SLC25A48: variants seen among roughly 807,000 people sequenced by gnomAD.
SLC25A48 encodes CTC-321K16.1.
In SLC25A48, 29 loss-of-function variants were observed where a neutral mutation model predicts 32.2. That is an observed-to-expected ratio of 0.90 (90% CI 0.67 to 1.23). The LOEUF is 1.23. Among genes scored for constraint, SLC25A48 ranks in the 50% most tolerant of loss-of-function variants. The pLI is 0.00. For missense variants in SLC25A48, 399 were observed against 422.7 expected, an observed-to-expected ratio of 0.94 and a Z score of 0.49; for synonymous variants, 164 against 172.3, an observed-to-expected ratio of 0.95 and a Z score of 0.38.
intron 3 of SLC25A48, among the ~76,000 whole-genome samples, chr5:135,711,302 TAGTC>T (rs1215292255): frequency 2.0e-5 from 3 of 152,190 alleles, no homozygotes; most frequent in Non-Finnish European, 2.9e-5. Flanking sequence ...GTCAAAGAGA[TAGTC>T]AGTCATATTC....
intron 3 of SLC25A48, among the ~76,000 whole-genome samples, chr5:135,712,896 A>G (rs996538597): frequency 6.6e-6 from 1 of 152,172 alleles, no homozygotes; most frequent in Non-Finnish European, 1.5e-5. Flanking sequence ...GCATGCATAG[A>G]CCATCCTCCA....
chr5:135,767,249 A>G (rs895809015), intron 3 of SLC25A48, among the ~76,000 whole-genome samples: 1 of 150,102 alleles, frequency 6.7e-6, no homozygotes, highest in African/African-American at 2.4e-5. Flanking sequence ...TACTATCTAT[A>G]TTGGGGTGGT....
At chr5:135,851,823 A>G (rs1282739150) in intron 3 of SLC25A48, among the ~76,000 whole-genome samples, 1 of 152,094 alleles carries the variant, frequency 6.6e-6, no homozygotes, top group Non-Finnish European at 1.5e-5. Flanking sequence ...GTGTTCATCA[A>G]GAATGCCGTG....
intron 3 of SLC25A48, among the ~76,000 whole-genome samples, chr5:135,788,243 T>G (rs72667123): frequency 0.3 from 45,518 of 149,702 alleles, 6,852 homozygotes; most frequent in East Asian, 0.43. Flanking sequence ...ATATCCAGAA[T>G]GGGGAGAGGG....
At chr5:135,781,121 C>T (rs1490683951) in intron 3 of SLC25A48, among the ~76,000 whole-genome samples, 1 of 115,792 alleles carries the variant, frequency 8.6e-6, no homozygotes, top group Non-Finnish European at 2.1e-5. Context: ...TGCAACATTG[C>T]AGGGGGTGTA....
intron 5 of SLC25A48, among the ~76,000 whole-genome samples, chr5:135,873,051 C>T (rs1761784103): frequency 6.6e-6 from 1 of 152,140 alleles, no homozygotes; most frequent in Non-Finnish European, 1.5e-5. Flanking sequence ...GATGCCCTCA[C>T]CCATGGGCTG....
At position 135,784,775 on chromosome 5, in the gene SLC25A48, G is replaced by C. The variant is rs1165521733; in HGVS notation, c.-520-27748G>C. 3.4e-5 allele frequency among the ~76,000 whole-genome samples: 4 copies of C among 117,774 alleles called. 1 individual carries two copies. Among genetic ancestry groups the C allele is most frequent in the Non-Finnish European group, 8.4e-5 (4 of 47,830 alleles). The allele number at this position is 117,774 out of a possible 152,430, so 77.3% of individuals were successfully genotyped here. ...GGAAGACCCAGTGTACACCCCCTCT[G>C]TGATATTGTTATTAACATCATAAAA... On this transcript the variant is annotated intron_variant, in intron 3 of 10. Transcript: ENST00000646290.
chr5:135,652,880 T>C (rs1212462561), intron 3 of SLC25A48, among the ~76,000 whole-genome samples: 1 of 152,158 alleles, frequency 6.6e-6, no homozygotes, highest in Admixed American at 6.5e-5. Context: ...GTCTTCAAAA[T>C]TCATGTATCA....
intron 7 of SLC25A48, 35 bp from the exon 8 acceptor site, chr5:135,887,997 T>G: frequency 1.3e-6 from 2 of 1,547,988 alleles, no homozygotes; most frequent in East Asian, 2.4e-5. Flanking sequence ...TTTGCCTGCC[T>G]TCTTCTCTGA....
At chr5:135,842,001 C>G (rs1188596416) in intron 1 of SLC25A48, among the ~76,000 whole-genome samples, 1 of 152,152 alleles carries the variant, frequency 6.6e-6, no homozygotes, top group Non-Finnish European at 1.5e-5. Context: ...TGGTTGTACA[C>G]TTGGTATCAT....
At chr5:135,753,487 G>A (rs1755819699) in intron 3 of SLC25A48, among the ~76,000 whole-genome samples, 1 of 151,972 alleles carries the variant, frequency 6.6e-6, no homozygotes, top group Admixed American at 6.6e-5. Flanking sequence ...TGCACACTTA[G>A]GGTGATATTA....
chr5:135,617,972 G>A (rs1221408610), intron 1 of SLC25A48, among the ~76,000 whole-genome samples: 1 of 151,862 alleles, frequency 6.6e-6, no homozygotes, highest in Non-Finnish European at 1.5e-5. Flanking sequence ...ATGTTTCTTT[G>A]CTAGTTTTCT....
intron 1 of SLC25A48, among the ~76,000 whole-genome samples, chr5:135,620,125 T>C (rs148488891): frequency 0.016 from 2,397 of 152,294 alleles, 22 homozygotes; most frequent in Non-Finnish European, 0.026. Context: ...ATGTTTATAT[T>C]GGCATAGTTC....
At chr5:135,745,644 A>C (rs1755620909) in intron 3 of SLC25A48, among the ~76,000 whole-genome samples, 1 of 152,128 alleles carries the variant, frequency 6.6e-6, no homozygotes, top group Non-Finnish European at 1.5e-5. Context: ...CCATCCTTGA[A>C]TCTGTGCTTC....
At chr5:135,634,155 A>T (rs554642029) in intron 2 of SLC25A48, among the ~76,000 whole-genome samples, 14 of 152,306 alleles carry the variant, frequency 9.2e-5, no homozygotes, top group African/African-American at 2.9e-4. Context: ...AGACTTGCCT[A>T]GGTGGTGTGG....
intron 3 of SLC25A48, among the ~76,000 whole-genome samples, chr5:135,729,985 C>G (rs1041971762): frequency 1.3e-5 from 2 of 152,116 alleles, no homozygotes; most frequent in African/African-American, 4.8e-5. Context: ...GCAACTTCAT[C>G]AGGTAAATCA....
intron 3 of SLC25A48, among the ~76,000 whole-genome samples, chr5:135,735,952 T>G (rs1341202427): frequency 6.6e-6 from 1 of 152,106 alleles, no homozygotes; most frequent in Non-Finnish European, 1.5e-5. Context: ...GAGCTAGTCT[T>G]GGATCCAAAC....
rs367923125 is a variant in SLC25A48, at chr5:135,583,493, T to C, written c.-849+3896T>C. Among the ~76,000 whole-genome samples, 7 of 152,096 alleles carry C rather than the reference T, an allele frequency of 4.6e-5. No homozygotes were observed. In the East Asian group the frequency reaches 1.4e-3, roughly 29 times the overall value. On this transcript the variant is annotated intron_variant, in intron 1 of 10. Transcript: ENST00000646290. ...GACCTTCTTTTCAGAAGAGGAGTCC[T>C]TTTTACTTCCCTGGCAGGACAGGAA...
At chr5:135,883,383 A>G in intron 7 of SLC25A48, 4 of 985,414 alleles carry the variant, frequency 4.1e-6, no homozygotes, top group Non-Finnish European at 4.8e-6. Flanking sequence ...GCCATTGTAA[A>G]CTCACTGTGA....
Sources: gnomAD v4.1 joint callset for allele counts (sites outside exome capture counted in the v4.1 genomes callset) on GRCh38, gnomAD v4.1.1 for gene constraint, MANE v1.5 for transcripts, NCBI Gene and HGNC (gene_info 2026-07-23, HGNC 2026-07-21) for gene names.